The following LRRFIP1 variants were observed in gnomAD, a reference collection of about 807,000 sequenced individuals.
The protein encoded by LRRFIP1 is leucine-rich repeat flightless-interacting protein 1.
LRRFIP1 carries 62 observed loss-of-function variants against 104.4 expected under a neutral mutation model. The ratio of observed to expected loss-of-function variants is 0.59; its 90% CI spans 0.48 to 0.73. The LOEUF (loss-of-function observed/expected upper bound fraction) is 0.73. LRRFIP1 is among the 30% of genes least tolerant of loss of function. The probability of loss-of-function intolerance (pLI) is 0.00; values close to 1 mark genes in which losing one functional copy is unlikely to be tolerated. For synonymous variants in LRRFIP1, 300 were observed against 299.0 expected (o/e 1.00, Z -0.03); for missense variants, 796 against 824.5 (o/e 0.97, Z 0.42).
intron 1 of LRRFIP1, among the ~76,000 whole-genome samples, chr2:237,668,946 G>A (rs1035752132): frequency 6.6e-6 from 1 of 152,042 alleles, no homozygotes; most frequent in Non-Finnish European, 1.5e-5. Context: ...TTTTATCTGT[G>A]ACTTTTTTTT....
At position 237,769,845 on chromosome 2, in the gene LRRFIP1, C is replaced by T. The variant is rs928621626; in HGVS notation, c.1460-98C>T. ...TACGTGTATAACTACTTCCATCATT[C>T]ATTTCACTAACCTGAACGATCATTC... On this transcript the variant is annotated intron_variant, in intron 19 of 23. Coordinates refer to ENST00000308482, the MANE Select transcript of LRRFIP1 (RefSeq NM_001137550.2). 5 of 896,608 alleles carry T rather than the reference C, an allele frequency of 5.6e-6. No individual in the cohort carries two copies. The African/African-American group carries it at 8.3e-5, about 15-fold the overall frequency. 55.5% of individuals were successfully genotyped at this position (896,608 alleles called of 1,614,324 possible).
intron 3 of LRRFIP1, among the ~76,000 whole-genome samples, chr2:237,714,721 A>G (rs948522301): frequency 1.3e-5 from 2 of 152,258 alleles, no homozygotes; most frequent in African/African-American, 4.8e-5. Context: ...GACAGTGATG[A>G]TATAAAATGA....
chr2:237,746,871 C>T (rs929080740), intron 11 of LRRFIP1, among the ~76,000 whole-genome samples: 2 of 152,172 alleles, frequency 1.3e-5, no homozygotes, highest in Admixed American at 6.5e-5. Flanking sequence ...AGAGGGACCA[C>T]CCCACCACCA....
chr2:237,735,180 A>G lies in LRRFIP1; in HGVS notation c.490-88A>G, dbSNP rs991122745. 2.9e-5 allele frequency: 31 copies of G among 1,059,846 alleles called. No homozygotes were observed. The African/African-American group carries it at 4.2e-4, about 14-fold the overall frequency. 65.7% of individuals were successfully genotyped at this position (1,059,846 alleles called of 1,614,324 possible). ...TCAGGTCATGCTCCTGGCACGTGTC[A>G]GTTTTTCACAGCTCACGTTTTCAGC... On this transcript the variant is annotated intron_variant, in intron 9 of 23. Transcript: ENST00000308482. The surrounding 1 kb of genome is among the most constrained non-coding windows in gnomAD (Gnocchi z 4.6).
At chr2:237,628,005 G>A (rs2081833650) in intron 1 of LRRFIP1, among the ~76,000 whole-genome samples, 1 of 151,202 alleles carries the variant, frequency 6.6e-6, no homozygotes, top group South Asian at 2.1e-4. Context: ...CCCCCACCCC[G>A]GCCACCGTCG....
In LRRFIP1 at chr2:237,749,252, G is replaced by A. The variant is rs1481602327; in HGVS notation, c.723G>A (p.Gly241=). 6.2e-7 allele frequency: 1 copy of A among 1,613,942 alleles called. No individual in the cohort carries two copies. The highest frequency in any genetic ancestry group is 8.5e-7 in the Non-Finnish European group (1 of 1,179,982). The change falls in exon 13 of 24, where the codon GGG becomes GGA. Residue 241 remains glycine, a synonymous_variant. Coordinates refer to ENST00000308482, the MANE Select transcript of LRRFIP1 (RefSeq NM_001137550.2). ...LSAATLASLG[G]TSSRRGSGDT... ...CAGCCACGCTGGCCTCTCTGGGTGG[G>A]ACTTCCTCTCGGAGAGGCAGCGGAG... is the stretch of plus-strand genomic sequence containing the variant.
At chr2:237,773,468 G>A (rs1576439630) in intron 22 of LRRFIP1, among the ~76,000 whole-genome samples, 1 of 152,148 alleles carries the variant, frequency 6.6e-6, no homozygotes, top group South Asian at 2.1e-4. Flanking sequence ...AACCAGGGTG[G>A]CAGAGGTTGC....
chr2:237,697,753 C>A (rs761056828), intron 1 of LRRFIP1, among the ~76,000 whole-genome samples: 10 of 152,188 alleles, frequency 6.6e-5, no homozygotes, highest in Non-Finnish European at 1.3e-4. Flanking sequence ...GGAGCCCAGA[C>A]GTGCTGCCTG....
intron 1 of LRRFIP1, chr2:237,692,569 TTTCAGGGGC>T: frequency 6.8e-7 from 1 of 1,461,714 alleles, no homozygotes; most frequent in Non-Finnish European, 9.1e-7. Flanking sequence ...TGCGGCGGGG[TTTCAGGGGC>T]TTCCAGCTCG....
intron 11 of LRRFIP1, among the ~76,000 whole-genome samples, chr2:237,741,165 G>A (rs1010952567): frequency 4.6e-5 from 7 of 152,186 alleles, no homozygotes; most frequent in Non-Finnish European, 1.0e-4. Context: ...AAACTCCAGG[G>A]GCACACCGCC....
chr2:237,720,892 G>A (rs2094513869), intron 6 of LRRFIP1, 70 bp downstream of exon 6: 17 of 1,355,996 alleles, frequency 1.3e-5, no homozygotes, highest in South Asian at 9.3e-5. Context: ...TCTCATCCCC[G>A]CATTCTGATT....
intron 13 of LRRFIP1, among the ~76,000 whole-genome samples, chr2:237,750,704 T>C (rs1288824132): frequency 6.6e-6 from 1 of 152,162 alleles, no homozygotes; most frequent in Non-Finnish European, 1.5e-5. Flanking sequence ...GCCCTTAGGT[T>C]GCGCGTGCCG....
chr2:237,748,420 C>G, intron 12 of LRRFIP1, 21 bp downstream of exon 12: 2 of 1,581,690 alleles, frequency 1.3e-6, no homozygotes, highest in Non-Finnish European at 8.6e-7. Context: ...GTTCATAAAC[C>G]TAGAGGGTCC....
chr2:237,753,500 GA>G lies in LRRFIP1; in HGVS notation c.1038+23del, dbSNP rs2058879778. ...ACAAAGTAAGCATTAGTATGATACA[GA>G]ATGTTAACAATAGGCTGCGTGCAGT... On this transcript the variant is annotated intron_variant, in intron 15 of 23. Coordinates refer to ENST00000308482, the MANE Select transcript of LRRFIP1 (RefSeq NM_001137550.2). 2.6e-6 allele frequency: 4 copies of G among 1,556,164 alleles called. No homozygotes were observed. The East Asian group carries it at 9.3e-5, about 36-fold the overall frequency.
chr2:237,636,352 C>CTTTT (rs59582281), intron 1 of LRRFIP1, among the ~76,000 whole-genome samples: 1 of 124,448 alleles, frequency 8.0e-6, no homozygotes, highest in African/African-American at 2.9e-5. Flanking sequence ...CCTTTCTTTT[C>CTTTT]TTTTTTTTTT....
chr2:237,761,510 G>T (rs2059871066), intron 19 of LRRFIP1, among the ~76,000 whole-genome samples: 1 of 152,188 alleles, frequency 6.6e-6, no homozygotes, highest in African/African-American at 2.4e-5. Flanking sequence ...GATAACCATT[G>T]TGAAATGTTG....
At position 237,779,748 on chromosome 2, in the gene LRRFIP1, C is replaced by T. The variant is rs575999323; in HGVS notation, c.*216C>T. ...TCTGCAGACCCCTGGCCCGGGCTGG[C>T]GCCGACGCTCAGAACCTGCAGGTAC... is the stretch of plus-strand genomic sequence containing the variant. On this transcript the variant is annotated 3_prime_UTR_variant, in exon 24 of 24. Coordinates refer to ENST00000308482, the MANE Select transcript of LRRFIP1 (RefSeq NM_001137550.2). 63 of 444,666 alleles carry T rather than the reference C, an allele frequency of 1.4e-4. 1 individual carries two copies. Among genetic ancestry groups the T allele is most frequent in the South Asian group, 1.3e-3 (54 of 40,774 alleles). 27.5% of individuals were successfully genotyped at this position (444,666 alleles called of 1,614,324 possible).
intron 8 of LRRFIP1, among the ~76,000 whole-genome samples, chr2:237,731,850 G>A (rs77168485): frequency 0.011 from 1,697 of 152,208 alleles, 15 homozygotes; most frequent in African/African-American, 0.035. Context: ...ATGTGAACTC[G>A]CCCTGAGCCC....
chr2:237,684,186 T>C (rs2149674661), intron 1 of LRRFIP1: 1 of 152,144 alleles, frequency 6.6e-6, no homozygotes, highest in East Asian at 1.9e-4. Context: ...TTTTTTTTTT[T>C]TTTGGCCAAG....
Sources: allele counts gnomAD v4.1 joint callset (sites outside exome capture counted in the v4.1 genomes callset), GRCh38; gene constraint gnomAD v4.1.1; non-coding constraint Gnocchi (gnomAD v3.1); transcripts MANE v1.5; gene names NCBI Gene and HGNC (gene_info 2026-07-23, HGNC 2026-07-21).